The following XRN2 variants were observed in gnomAD, a reference collection of about 807,000 sequenced individuals.
XRN2 encodes the protein DHM1-like protein.
XRN2 carries 44 observed loss-of-function variants against 138.5 expected under a neutral mutation model. That is an observed-to-expected ratio of 0.32 (90% confidence interval 0.25 to 0.41). XRN2 has a LOEUF of 0.41. Among genes scored for constraint, XRN2 ranks in the 10% least tolerant of loss-of-function variants. The probability of loss-of-function intolerance (pLI) is 1.00; values close to 1 mark genes in which losing one functional copy is unlikely to be tolerated. For synonymous variants in XRN2, 354 were observed against 369.4 expected (o/e 0.96, Z 0.48); for missense variants, 937 against 1,169.3 (o/e 0.80, Z 2.90).
intron 17 of XRN2, among the ~76,000 whole-genome samples, 184 bp downstream of exon 17, chr20:21,346,734 C>T (rs1829924581): frequency 6.6e-6 from 1 of 152,112 alleles, no homozygotes; most frequent in African/African-American, 2.4e-5. Flanking sequence ...ATTCTCCTGC[C>T]TCAGCCTCCT....
rs925613856 is a variant in XRN2, at chr20:21,331,069, A to G, written c.576+364A>G. Among the ~76,000 whole-genome samples, 4 of 152,210 alleles carry G rather than the reference A, an allele frequency of 2.6e-5. No individual in the cohort carries two copies. The South Asian group carries it at 8.3e-4, about 32-fold the overall frequency. ...GGCTGTCTTAAATGGCTGTGTTCCCAAATATTTAAATAATATGTAAATGAA... is the reference window on the plus strand; with the variant it reads ...GGCTGTCTTAAATGGCTGTGTTCCCGAATATTTAAATAATATGTAAATGAA... On this transcript the variant is annotated intron_variant, in intron 6 of 29. Transcript: ENST00000377191.
At chr20:21,375,595 A>G (rs1291411956) in intron 27 of XRN2, among the ~76,000 whole-genome samples, 1 of 150,864 alleles carries the variant, frequency 6.6e-6, no homozygotes, top group African/African-American at 2.4e-5. Context: ...TTTTTAATTT[A>G]TAGGGCTTTT....
At chr20:21,361,229 A>G (rs572751289) in intron 24 of XRN2, among the ~76,000 whole-genome samples, 1 of 152,346 alleles carries the variant, frequency 6.6e-6, no homozygotes, top group East Asian at 1.9e-4. Flanking sequence ...AGCACTGTTC[A>G]GTTTCCTTAT....
intron 1 of XRN2, among the ~76,000 whole-genome samples, chr20:21,317,737 A>G (rs566876323): frequency 6.6e-6 from 1 of 152,328 alleles, no homozygotes; most frequent in South Asian, 2.1e-4. Context: ...ATGACAAGAA[A>G]AGGTCTGCAC....
chr20:21,338,220 A>G (rs2038322717), intron 13 of XRN2, among the ~76,000 whole-genome samples: 1 of 152,180 alleles, frequency 6.6e-6, no homozygotes, highest in African/African-American at 2.4e-5. Flanking sequence ...AACAGTAGCT[A>G]TGGCCACCCT....
chr20:21,305,049 C>G (rs952070145), intron 1 of XRN2, among the ~76,000 whole-genome samples: 2 of 152,056 alleles, frequency 1.3e-5, no homozygotes, highest in African/African-American at 2.4e-5. Context: ...TACATCTTGC[C>G]GCGCCCGGAC....
chr20:21,344,538 A>G lies in XRN2; in HGVS notation c.1529+330A>G, dbSNP rs530362818. On this transcript the variant is annotated intron_variant, in intron 16 of 29. Coordinates refer to ENST00000377191, the MANE Select transcript of XRN2 (RefSeq NM_012255.5). Reference sequence around the variant, plus strand: ...GTGATCTGAATGTTGCTGTTTGGAGACTGATTAAATTTTCAAGCTGCTTAA... The same window carrying G: ...GTGATCTGAATGTTGCTGTTTGGAGGCTGATTAAATTTTCAAGCTGCTTAA... Among the ~76,000 whole-genome samples the G allele has an allele frequency of 1.7e-4, 26 of 152,192 alleles. No homozygotes were observed. The South Asian group carries it at 5.4e-3, about 32-fold the overall frequency.
chr20:21,356,638 T>C lies in XRN2; in HGVS notation c.2171T>C (p.Leu724Ser). 6.2e-7 allele frequency: 1 copy of C among 1,613,724 alleles called. No homozygotes were observed. Among genetic ancestry groups the C allele is most frequent in the Non-Finnish European group, 8.5e-7 (1 of 1,179,702 alleles). Reference sequence around the variant, plus strand: ...CATGGGATTCAAGGAAAGTTTTCTTTGGATGAAGAAGCCATTCTTCCAGAT... The same window carrying C: ...CATGGGATTCAAGGAAAGTTTTCTTCGGATGAAGAAGCCATTCTTCCAGAT... Reference protein sequence around the residue: ...LCHGIQGKFSLDEEAILPDQI... With the variant: ...LCHGIQGKFSSDEEAILPDQI... The change falls in exon 23 of 30, where the codon TTG becomes TCG. Residue 724 changes from leucine (L) to serine (S), a missense_variant. This residue lies in a region of XRN2 where 372 missense variants were observed against 414.4 expected (regional missense o/e 0.90). Transcript: ENST00000377191.
intron 20 of XRN2, among the ~76,000 whole-genome samples, chr20:21,352,936 CTCATGTTTACTA>C (rs1156895180): frequency 6.6e-6 from 1 of 151,798 alleles, no homozygotes; most frequent in Non-Finnish European, 1.5e-5. Flanking sequence ...AGCTGCTATT[CTCATGTTTACTA>C]TCAGCTCACT....
intron 17 of XRN2, 68 bp from the exon 18 acceptor site, chr20:21,348,078 T>A (rs200755472): frequency 6.9e-3 from 1 of 144 alleles, no homozygotes; most frequent in Non-Finnish European, 9.1e-3. Context: ...CTAATTTTTG[T>A]TTTTTTTAAT....
Position 21,333,829 on chromosome 20 carries a change from A to G in XRN2, c.1059A>G (p.Leu353=), listed in dbSNP as rs1257248124. The change falls in exon 11 of 30, where the codon TTA becomes TTG. Residue 353 remains leucine, a synonymous_variant. Coordinates refer to ENST00000377191, the MANE Select transcript of XRN2 (RefSeq NM_012255.5). ...ACTTCCTCCCTCATTTGCCATCGTT[A>G]GAGATTAGGTATGTGCATTTGTGTA... ...GNDFLPHLPS[L]EIRENAIDRL... is the part of the protein sequence containing the mutation. 1.9e-6 allele frequency: 3 copies of G among 1,614,074 alleles called. No homozygotes were observed. The highest frequency in any genetic ancestry group is 1.7e-5 in the Admixed American group (1 of 60,018).
At chr20:21,333,896 C>G in intron 11 of XRN2, 41 bp from the exon 12 acceptor site, 1 of 1,614,074 alleles carries the variant, frequency 6.2e-7, no homozygotes, top group Non-Finnish European at 8.5e-7. Context: ...CTTTACTGTG[C>G]CTACTGGTCC....
chr20:21,382,104 C>A, intron 28 of XRN2, 47 bp downstream of exon 28: 1 of 1,539,398 alleles, frequency 6.5e-7, no homozygotes, highest in Non-Finnish European at 8.9e-7. Context: ...CTGACACCAA[C>A]ATTTGGGGTT....
intron 21 of XRN2, among the ~76,000 whole-genome samples, chr20:21,355,752 T>C (rs545702584): frequency 1.3e-5 from 2 of 152,264 alleles, no homozygotes; most frequent in East Asian, 3.9e-4. Flanking sequence ...TTTGGGTCCA[T>C]GTGATATTTT....
chr20:21,322,341 C>A (rs1394026972), intron 1 of XRN2, among the ~76,000 whole-genome samples: 1 of 152,170 alleles, frequency 6.6e-6, no homozygotes, highest in Non-Finnish European at 1.5e-5. Context: ...AATTTTTAAG[C>A]CAAAATACTG....
intron 27 of XRN2, among the ~76,000 whole-genome samples, chr20:21,370,570 T>TATC (rs2038750154): frequency 6.6e-6 from 1 of 152,198 alleles, no homozygotes; most frequent in African/African-American, 2.4e-5. Flanking sequence ...ATTCAAATTG[T>TATC]ATCTCAATGC....
Position 21,361,681 on chromosome 20 carries a change from T to C in XRN2, c.2256-3740T>C, listed in dbSNP as rs912242170. Among the ~76,000 whole-genome samples, 35 of 152,148 alleles carry C rather than the reference T, an allele frequency of 2.3e-4. 1 individual carries two copies. Reference sequence around the variant, plus strand: ...TTCTGATGATGGAATTTAAATGACATAGACATGAAAAAAATAAAAGACCTT... The same window carrying C: ...TTCTGATGATGGAATTTAAATGACACAGACATGAAAAAAATAAAAGACCTT... On this transcript the variant is annotated intron_variant, in intron 24 of 29. Coordinates refer to ENST00000377191, the MANE Select transcript of XRN2 (RefSeq NM_012255.5).
intron 9 of XRN2, among the ~76,000 whole-genome samples, chr20:21,332,676 T>C (rs1328518440): frequency 1.3e-5 from 2 of 152,166 alleles, no homozygotes; most frequent in Non-Finnish European, 2.9e-5. Context: ...CTTTTTTTTT[T>C]CTTTTGAGAC....
chr20:21,377,746 G>A (rs1388902031), intron 27 of XRN2, among the ~76,000 whole-genome samples: 1 of 152,170 alleles, frequency 6.6e-6, no homozygotes, highest in Non-Finnish European at 1.5e-5. Flanking sequence ...TAGAGGGCAA[G>A]GAAAAGCATC....
Sources: allele counts gnomAD v4.1 joint callset (sites outside exome capture counted in the v4.1 genomes callset), GRCh38; gene constraint gnomAD v4.1.1; regional missense constraint gnomAD v4.1.1; transcripts MANE v1.5; gene names NCBI Gene and HGNC (gene_info 2026-07-23, HGNC 2026-07-21).